The following METTL15 variants were observed in gnomAD, a reference collection of about 807,000 sequenced individuals.
METTL15 encodes methyltransferase 15, mitochondrial 12S rRNA N4-cytidine.
METTL15 carries 34 observed loss-of-function variants against 38.3 expected under a neutral mutation model. That is an observed-to-expected ratio of 0.89 (90% CI 0.68 to 1.18). The LOEUF (loss-of-function observed/expected upper bound fraction) is 1.18, where lower values mean the gene tolerates loss of function less well. METTL15 is among the 50% of genes most tolerant of loss of function. The pLI is 0.00. For synonymous variants in METTL15, 162 were observed against 170.9 expected (o/e 0.95, Z 0.41); for missense variants, 438 against 498.4 (o/e 0.88, Z 1.15).
In METTL15 at chr11:28,327,985, T is replaced by A; in HGVS notation, c.779-2411T>A. 5.9e-6 allele frequency: 7 copies of A among 1,177,762 alleles called. No homozygotes were observed. In the South Asian group the frequency reaches 9.6e-5, roughly 16 times the overall value. 73.0% of individuals were successfully genotyped at this position (1,177,762 alleles called of 1,614,324 possible). A position where few individuals can be genotyped will look rare whatever the true frequency, so the allele number is the denominator to read the frequency against. Reference sequence around the variant, plus strand: ...AAATATCAAAGATAATGCTAAGAAATTTTTAAAAAAATTATAGCAAAAATA... The same window carrying A: ...AAATATCAAAGATAATGCTAAGAAAATTTTAAAAAAATTATAGCAAAAATA... On this transcript the variant is annotated intron_variant, in intron 6 of 6. Coordinates refer to ENST00000407364, the MANE Select transcript of METTL15 (RefSeq NM_001113528.2).
At chr11:28,252,508 A>C (rs1565202994) in intron 4 of METTL15, among the ~76,000 whole-genome samples, 1 of 152,068 alleles carries the variant, frequency 6.6e-6, no homozygotes. Flanking sequence ...CCACCATCCT[A>C]CCTGTATCTG....
intron 3 of METTL15, among the ~76,000 whole-genome samples, chr11:28,176,375 A>G (rs1054183608): frequency 1.9e-4 from 29 of 152,080 alleles, no homozygotes; most frequent in African/African-American, 7.0e-4. Flanking sequence ...TCTCTAATGC[A>G]GTCATTAAAA....
chr11:28,237,481 G>A (rs1179029165), intron 4 of METTL15, among the ~76,000 whole-genome samples: 5 of 152,132 alleles, frequency 3.3e-5, no homozygotes, highest in East Asian at 3.9e-4. Flanking sequence ...CTCTGTATTG[G>A]TTATTCTAGT....
chr11:28,212,979 C>T (rs1292010761), intron 4 of METTL15, among the ~76,000 whole-genome samples: 1 of 152,032 alleles, frequency 6.6e-6, no homozygotes, highest in Non-Finnish European at 1.5e-5. Context: ...CTAACAGGAA[C>T]TATCAGGCTG....
intron 6 of METTL15, among the ~76,000 whole-genome samples, chr11:28,310,923 G>T (rs184674884): frequency 1.1e-5 from 1 of 93,750 alleles, no homozygotes; most frequent in Non-Finnish European, 2.2e-5. Flanking sequence ...GCTGGTGGTG[G>T]TGGTGGTGGT....
chr11:28,449,976 G>A (rs139325337), intron 6 of METTL15, among the ~76,000 whole-genome samples: 89 of 152,262 alleles, frequency 5.8e-4, no homozygotes, highest in African/African-American at 2.0e-3. Context: ...AAGACTTTCC[G>A]AAATTCTTGA....
chr11:28,132,030 A>G lies in METTL15; in HGVS notation c.270+18426A>G, dbSNP rs111885426. Among the ~76,000 whole-genome samples, 10 of 152,280 alleles carry G rather than the reference A, an allele frequency of 6.6e-5. 1 individual carries two copies. The highest frequency in any genetic ancestry group is 2.4e-4 in the African/African-American group (10 of 41,580). On this transcript the variant is annotated intron_variant, in intron 3 of 6. Coordinates refer to ENST00000407364, the MANE Select transcript of METTL15 (RefSeq NM_001113528.2). ...GATGAGGTTTTTAGCTTCATTTGTG[A>G]TGTAAAACCCATAGTGAAGATTAGA...
At chr11:28,347,373 G>A (rs1363525510) in intron 3 of METTL15, among the ~76,000 whole-genome samples, 4 of 152,132 alleles carry the variant, frequency 2.6e-5, no homozygotes, top group Non-Finnish European at 4.4e-5. Context: ...CTGAACATAC[G>A]ACCCAACCAT....
In METTL15 at chr11:28,331,848, A is replaced by G. The variant is rs1385575876; in HGVS notation, c.*1007A>G. The G allele has an allele frequency of 6.6e-6, 1 of 152,160 alleles. No individual in the cohort carries two copies. The highest frequency in any genetic ancestry group is 1.5e-5 in the Non-Finnish European group (1 of 68,006). 9.4% of individuals were successfully genotyped at this position (152,160 alleles called of 1,614,324 possible). A position where few individuals can be genotyped will look rare whatever the true frequency, so the allele number is the denominator to read the frequency against. ...TTATTTATACTTAAATTGTGACCTG[A>G]AAGATGAGTTGGAGATAATTAGTCA... is the stretch of plus-strand genomic sequence containing the variant. On this transcript the variant is annotated 3_prime_UTR_variant, in exon 7 of 7. Coordinates refer to ENST00000407364, the MANE Select transcript of METTL15 (RefSeq NM_001113528.2).
intron 6 of METTL15, among the ~76,000 whole-genome samples, chr11:28,508,172 C>T (rs1195534938): frequency 6.6e-6 from 1 of 152,068 alleles, no homozygotes; most frequent in African/African-American, 2.4e-5. Context: ...GCCAGTCCCT[C>T]TTCAGTCCTT....
chr11:28,218,044 C>CT (rs1345895900), intron 4 of METTL15, among the ~76,000 whole-genome samples: 3 of 152,024 alleles, frequency 2.0e-5, no homozygotes, highest in African/African-American at 7.2e-5. Flanking sequence ...GATGTGGGCT[C>CT]TTTTTTGGTT....
intron 6 of METTL15, among the ~76,000 whole-genome samples, chr11:28,486,821 C>T (rs1277817670): frequency 2.0e-5 from 3 of 152,122 alleles, no homozygotes; most frequent in African/African-American, 7.2e-5. Flanking sequence ...TGCATGTGGA[C>T]ACTGTTCACC....
intron 6 of METTL15, among the ~76,000 whole-genome samples, chr11:28,494,163 G>A (rs1233237561): frequency 6.6e-6 from 1 of 152,178 alleles, no homozygotes; most frequent in African/African-American, 2.4e-5. Context: ...GAGCAGTAAT[G>A]TCCAAACTCA....
At chr11:28,495,526 C>A (rs377490667) in intron 6 of METTL15, among the ~76,000 whole-genome samples, 18 of 152,252 alleles carry the variant, frequency 1.2e-4, no homozygotes, top group African/African-American at 4.1e-4. Context: ...GCTTTCCTAT[C>A]CAACTGTGAG....
intron 3 of METTL15, among the ~76,000 whole-genome samples, chr11:28,114,395 T>C (rs1171511984): frequency 6.6e-6 from 1 of 152,200 alleles, no homozygotes; most frequent in Non-Finnish European, 1.5e-5. Flanking sequence ...AGCATTTATA[T>C]TGTTTCTGCT....
intron 6 of METTL15, among the ~76,000 whole-genome samples, chr11:28,501,281 G>C (rs1222235481): frequency 6.6e-6 from 1 of 152,164 alleles, no homozygotes; most frequent in African/African-American, 2.4e-5. Flanking sequence ...GCTGAGGGCT[G>C]AGAGATTTCT....
intron 4 of METTL15, among the ~76,000 whole-genome samples, chr11:28,276,731 A>G (rs1157699835): frequency 1.3e-5 from 2 of 152,204 alleles, no homozygotes; most frequent in East Asian, 3.8e-4. Context: ...AAAAATAGAC[A>G]CATAGATCAA....
At chr11:28,179,246 G>T (rs1321905195) in intron 3 of METTL15, among the ~76,000 whole-genome samples, 1 of 151,466 alleles carries the variant, frequency 6.6e-6, no homozygotes, top group Non-Finnish European at 1.5e-5. Context: ...CTATTTGTAT[G>T]GCTTAAATAC....
intron 4 of METTL15, among the ~76,000 whole-genome samples, chr11:28,214,279 C>T (rs371574020): frequency 6.6e-6 from 1 of 152,088 alleles, no homozygotes; most frequent in Admixed American, 6.6e-5. Flanking sequence ...AGTGATCATC[C>T]CACCTCAGCC....
Sources: allele counts gnomAD v4.1 joint callset (sites outside exome capture counted in the v4.1 genomes callset), GRCh38; gene constraint gnomAD v4.1.1; transcripts MANE v1.5; gene names NCBI Gene and HGNC (gene_info 2026-07-23, HGNC 2026-07-21).